The following CEP78 variants were observed in gnomAD, a reference collection of about 807,000 sequenced individuals.
The protein encoded by CEP78 is centrosomal protein of 78 kDa.
CEP78 carries 76 observed loss-of-function variants against 81.2 expected under a neutral mutation model. That is an observed-to-expected ratio of 0.94 (90% CI 0.78 to 1.13). The LOEUF (loss-of-function observed/expected upper bound fraction) is 1.13, where lower values mean the gene tolerates loss of function less well. Among genes scored for constraint, CEP78 ranks in the 50% most tolerant of loss-of-function variants. CEP78 has a pLI of 0.00. For synonymous variants in CEP78, 293 were observed against 301.4 expected (o/e 0.97, Z 0.29); for missense variants, 918 against 846.8 (o/e 1.08, Z -1.04).
intron 14 of CEP78, 85 bp from the exon 15 acceptor site, chr9:78,265,772 CTA>C (rs1827500151): frequency 1.3e-6 from 1 of 791,850 alleles, no homozygotes; most frequent in Non-Finnish European, 2.1e-6. Flanking sequence ...TTAAAGTAGA[CTA>C]TCCTCAGTGA....
chr9:78,272,904 CAT>C lies in CEP78; in HGVS notation c.*2056_*2057del. 6.6e-6 allele frequency: 1 copy of C among 152,290 alleles called. No homozygotes were observed. Among genetic ancestry groups the C allele is most frequent in the African/African-American group, 2.4e-5 (1 of 41,564 alleles). The allele number at this position is 152,290 out of a possible 1,614,324, so 9.4% of individuals were successfully genotyped here. On this transcript the variant is annotated 3_prime_UTR_variant, in exon 17 of 17. Transcript: ENST00000643273. ...ACTTAAAGCTTCTGTCTAGATGTGA[CAT>C]ATGTCACTTCTGTTCACATTTCTTT...
Position 78,243,573 on chromosome 9 carries a change from C to T in CEP78, c.715C>T (p.Leu239Phe), listed in dbSNP as rs1265474388. ...ACGTATCACACTGAATTGCAACACA[C>T]TTATTGGTGACCTAGGTGCATGTGC... ...LRRITLNCNT[L>F]IGDLGACAFA... Residue 239 changes from leucine to phenylalanine, a missense_variant, in exon 5 of 17, where the codon CTT becomes TTT. Leu to Phe is a conservative substitution (Grantham distance 22). Coordinates refer to ENST00000643273, the MANE Select transcript of CEP78 (RefSeq NM_001330691.3). 6.2e-7 allele frequency: 1 copy of T among 1,613,846 alleles called. No individual in the cohort carries two copies. The highest frequency in any genetic ancestry group is 1.7e-5 in the Admixed American group (1 of 60,018).
intron 9 of CEP78, among the ~76,000 whole-genome samples, chr9:78,252,671 C>T (rs1587580584): frequency 1.3e-5 from 2 of 152,172 alleles, no homozygotes; most frequent in African/African-American, 4.8e-5. Context: ...TTAACAATTG[C>T]TTAAGAAAAC....
Position 78,273,007 on chromosome 9 carries a change from G to C in CEP78, c.*2156G>C, listed in dbSNP as rs1197172500. ...GCAGAATTGCCATTTGCCATGAGAAGAGAGGGAAGCAAATGTATGTCAACA... is the reference window on the plus strand; with the variant it reads ...GCAGAATTGCCATTTGCCATGAGAACAGAGGGAAGCAAATGTATGTCAACA... On this transcript the variant is annotated 3_prime_UTR_variant, in exon 17 of 17. Coordinates refer to ENST00000643273, the MANE Select transcript of CEP78 (RefSeq NM_001330691.3). 6.6e-6 allele frequency: 1 copy of C among 152,310 alleles called. No individual in the cohort carries two copies. Among genetic ancestry groups the C allele is most frequent in the East Asian group, 1.9e-4 (1 of 5,188 alleles). 9.4% of individuals were successfully genotyped at this position (152,310 alleles called of 1,614,324 possible).
In CEP78 at chr9:78,274,893, A is replaced by C. The variant is rs1827769799; in HGVS notation, c.*4042A>C. On this transcript the variant is annotated 3_prime_UTR_variant, in exon 17 of 17. Transcript: ENST00000643273. ...TTACTTTCCAGGAAGAAAGAAGACA[A>C]AAGAGATGAATTAAACATTTAAAGC... 2 of 152,342 alleles carry C rather than the reference A, an allele frequency of 1.3e-5. No individual in the cohort carries two copies. Among genetic ancestry groups the C allele is most frequent in the Middle Eastern group, 6.8e-3 (2 of 294 alleles). 9.4% of individuals were successfully genotyped at this position (152,342 alleles called of 1,614,324 possible).
rs370478499 is a variant in CEP78 at position 78,241,735 on chromosome 9, C to T, written c.539C>T (p.Thr180Ile). 9.3e-6 allele frequency: 15 copies of T among 1,608,690 alleles called. No individual in the cohort carries two copies. The highest frequency in any genetic ancestry group is 5.0e-5 in the Admixed American group (3 of 59,728). The change falls in exon 4 of 17, where the codon ACA (threonine) becomes ATA (isoleucine). Residue 180 changes from threonine to isoleucine, a missense_variant. Thr to Ile is a moderately conservative substitution (Grantham distance 89). Coordinates refer to ENST00000643273, the MANE Select transcript of CEP78 (RefSeq NM_001330691.3). The part of the protein sequence containing the change: ...QGIKSSITLK[T>I]VNFTGCNLTW... ...ATAAAGAGCTCTATCACTCTTAAGA[C>T]AGTCAACTTCACAGGATGTAATCTG... is the stretch of plus-strand genomic sequence containing the variant.
In CEP78 at chr9:78,236,079, T is replaced by A; in HGVS notation, c.-272T>A. ...CGTTCCACGGCACCGCCCACCGGCT[T>A]GAATCCCGGCGCCTCAGAGGACTAT... is the stretch of plus-strand genomic sequence containing the variant. On this transcript the variant is annotated 5_prime_UTR_variant, in exon 1 of 17. Coordinates refer to ENST00000643273, the MANE Select transcript of CEP78 (RefSeq NM_001330691.3). The A allele has an allele frequency of 2.1e-6, 1 of 477,926 alleles. No individual in the cohort carries two copies. The highest frequency in any genetic ancestry group is 3.7e-6 in the Non-Finnish European group (1 of 270,166). The allele number at this position is 477,926 out of a possible 1,614,324, so 29.6% of individuals were successfully genotyped here.
chr9:78,243,404 T>G (rs1241018169), intron 4 of CEP78, 58 bp from the exon 5 acceptor site: 10 of 1,452,726 alleles, frequency 6.9e-6, no homozygotes, highest in Non-Finnish European at 1.9e-6. Flanking sequence ...TTAGTTCCTT[T>G]TAGTGTTCCT....
intron 6 of CEP78, among the ~76,000 whole-genome samples, chr9:78,247,690 G>A (rs1003863142): frequency 6.6e-6 from 1 of 152,150 alleles, no homozygotes; most frequent in African/African-American, 2.4e-5. Context: ...GCTATAAAAG[G>A]GAAAGAGGGA....
At chr9:78,265,971 T>C (rs908224063) in intron 15 of CEP78, 65 bp downstream of exon 15, 41 of 795,460 alleles carry the variant, frequency 5.2e-5, no homozygotes, top group South Asian at 5.1e-4. Context: ...CAGTATATTA[T>C]AGGCATCATC....
chr9:78,239,693 C>T (rs1826127423), intron 1 of CEP78, among the ~76,000 whole-genome samples: 1 of 152,202 alleles, frequency 6.6e-6, no homozygotes, highest in Non-Finnish European at 1.5e-5. Flanking sequence ...TTTTCCAGTG[C>T]CCGGCAGGTG....
chr9:78,254,187 T>G (rs1826901947), intron 10 of CEP78, among the ~76,000 whole-genome samples: 1 of 152,116 alleles, frequency 6.6e-6, no homozygotes, highest in South Asian at 2.1e-4. Context: ...GTTTTTGATG[T>G]CTCAGTTTTA....
At chr9:78,247,138 A>T (rs866496100) in intron 6 of CEP78, among the ~76,000 whole-genome samples, 39 of 152,356 alleles carry the variant, frequency 2.6e-4, no homozygotes, top group African/African-American at 8.4e-4. Context: ...TAAGCACTAA[A>T]CATACAGCAG....
chr9:78,246,773 C>G lies in CEP78; in HGVS notation c.883C>G (p.Pro295Ala). ...TLVVLDIRKN[P>A]LIDHSMMKAV... ...GGTCGTTCTGGATATAAGAAAAAATCCACTCATTGGTATGTCGCTACAATA... is the reference window on the plus strand; with the variant it reads ...GGTCGTTCTGGATATAAGAAAAAATGCACTCATTGGTATGTCGCTACAATA... The change falls in exon 6 of 17, where the codon CCA (proline) becomes GCA (alanine). Residue 295 changes from proline to alanine, a missense_variant. Transcript: ENST00000643273. 1.3e-6 allele frequency: 2 copies of G among 1,570,516 alleles called. No homozygotes were observed. The highest frequency in any genetic ancestry group is 2.3e-5 in the South Asian group (2 of 86,824).
Position 78,266,715 on chromosome 9 carries a change from A to G in CEP78, c.2107+12A>G. ...AAAGACCAAAACAGGTGAATATACCAAAAAACACTCTGATAAGCAACACCC... is the reference window on the plus strand; with the variant it reads ...AAAGACCAAAACAGGTGAATATACCGAAAAACACTCTGATAAGCAACACCC... On this transcript the variant is annotated intron_variant, in intron 16 of 16. Transcript: ENST00000643273. 6.2e-7 allele frequency: 1 copy of G among 1,611,562 alleles called. No individual in the cohort carries two copies. Among genetic ancestry groups the G allele is most frequent in the Non-Finnish European group, 8.5e-7 (1 of 1,178,828 alleles).
At chr9:78,250,662 C>T (rs896656753) in intron 8 of CEP78, among the ~76,000 whole-genome samples, 4 of 152,096 alleles carry the variant, frequency 2.6e-5, no homozygotes, top group Non-Finnish European at 5.9e-5. Context: ...TTGCTTGGAC[C>T]TGGGAGGCGG....
chr9:78,256,717 C>T (rs59416068), intron 11 of CEP78, among the ~76,000 whole-genome samples: 87 of 151,668 alleles, frequency 5.7e-4, no homozygotes, highest in African/African-American at 2.0e-3. Context: ...GAGTAAAACT[C>T]ACAACTTGAC....
chr9:78,241,897 T>G, intron 4 of CEP78, 98 bp downstream of exon 4: 1 of 644,014 alleles, frequency 1.6e-6, no homozygotes, highest in Non-Finnish European at 2.7e-6. Flanking sequence ...TTTTGATACA[T>G]ATGGGCATTG....
Position 78,236,253 on chromosome 9 carries a change from G to C in CEP78, c.-98G>C. ...GGTGCGGGGCTGCCGCTATCGCCTG[G>C]CCGTGGGTGCCGGAGCGGCCGGGTT... On this transcript the variant is annotated 5_prime_UTR_variant, in exon 1 of 17. Transcript: ENST00000643273. The C allele has an allele frequency of 9.3e-7, 1 of 1,079,650 alleles. No homozygotes were observed. The highest frequency in any genetic ancestry group is 1.3e-6 in the Non-Finnish European group (1 of 766,742). 66.9% of individuals were successfully genotyped at this position (1,079,650 alleles called of 1,614,324 possible).
Sources: allele counts gnomAD v4.1 joint callset (sites outside exome capture counted in the v4.1 genomes callset), GRCh38; gene constraint gnomAD v4.1.1; transcripts MANE v1.5; gene names NCBI Gene and HGNC (gene_info 2026-07-23, HGNC 2026-07-21).